Variants in NEK7 observed in about 807,000 individuals in gnomAD.
NEK7 encodes the protein NIMA related kinase 7, also known as serine/threonine-protein kinase Nek7.
Under a neutral mutation model 44.6 loss-of-function variants are expected in NEK7, and 18 were observed. The ratio of observed to expected loss-of-function variants is 0.40; its 90% CI spans 0.28 to 0.60. NEK7 has a LOEUF of 0.60. NEK7 is among the 20% of genes least tolerant of loss of function. The pLI, the probability that NEK7 is intolerant of heterozygous loss-of-function variation, is 0.38. For synonymous variants in NEK7, 130 were observed against 121.1 expected (o/e 1.07, Z -0.48); for missense variants, 256 against 366.5 (o/e 0.70, Z 2.46).
chr1:198,274,787 C>T (rs1558089986), intron 5 of NEK7, among the ~76,000 whole-genome samples: 2 of 151,592 alleles, frequency 1.3e-5, no homozygotes, highest in Non-Finnish European at 3.0e-5. Flanking sequence ...TGGATTTGGT[C>T]TTGGTCATTT....
chr1:198,262,472 C>A, intron 3 of NEK7, 103 bp from the exon 4 acceptor site: 1 of 693,830 alleles, frequency 1.4e-6, no homozygotes, highest in Non-Finnish European at 2.4e-6. Context: ...AAGAAAATTC[C>A]TTAGTGTACA....
At chr1:198,282,827 C>T (rs1654248685) in intron 7 of NEK7, among the ~76,000 whole-genome samples, 1 of 152,082 alleles carries the variant, frequency 6.6e-6, no homozygotes. Flanking sequence ...AGGTGCTATT[C>T]TAGAGACAAG....
intron 1 of NEK7, among the ~76,000 whole-genome samples, chr1:198,180,357 G>A (rs919937979): frequency 2.0e-5 from 3 of 152,038 alleles, no homozygotes; most frequent in Non-Finnish European, 2.9e-5. Flanking sequence ...TATTCAGGAT[G>A]TGTGCTGAGA....
At chr1:198,216,124 C>T (rs1665912018) in intron 1 of NEK7, among the ~76,000 whole-genome samples, 1 of 152,226 alleles carries the variant, frequency 6.6e-6, no homozygotes, top group African/African-American at 2.4e-5. Flanking sequence ...GCAGAATATA[C>T]ATTTTTCTCA....
At chr1:198,313,675 A>T (rs1274590846) in intron 9 of NEK7, among the ~76,000 whole-genome samples, 5 of 135,548 alleles carry the variant, frequency 3.7e-5, no homozygotes, top group East Asian at 2.3e-4. Context: ...TCTGTAAAGT[A>T]TTTTATTTCT....
intron 1 of NEK7, among the ~76,000 whole-genome samples, chr1:198,189,373 T>G (rs1046725638): frequency 6.6e-6 from 1 of 152,200 alleles, no homozygotes. Flanking sequence ...TTTGCATCTT[T>G]CGAGTTAAAA....
intron 2 of NEK7, among the ~76,000 whole-genome samples, chr1:198,234,360 G>T (rs139298013): frequency 1.3e-5 from 2 of 151,756 alleles, no homozygotes; most frequent in African/African-American, 2.4e-5. Context: ...AAATTATCAA[G>T]ATTATAATAA....
chr1:198,222,520 G>T (rs940647466), intron 1 of NEK7, among the ~76,000 whole-genome samples: 9 of 151,952 alleles, frequency 5.9e-5, no homozygotes, highest in African/African-American at 2.2e-4. Flanking sequence ...ACTTTTGACG[G>T]TGGTACCACC....
intron 1 of NEK7, among the ~76,000 whole-genome samples, chr1:198,205,486 C>T (rs1403081084): frequency 6.6e-6 from 1 of 152,114 alleles, no homozygotes; most frequent in East Asian, 1.9e-4. Flanking sequence ...ACAAAAAAAG[C>T]TCCATGGGTG....
At chr1:198,280,315 T>C (rs1379837418) in intron 7 of NEK7, among the ~76,000 whole-genome samples, 1 of 152,062 alleles carries the variant, frequency 6.6e-6, no homozygotes, top group Non-Finnish European at 1.5e-5. Context: ...ATATTACTCA[T>C]CTGAATAGAA....
At chr1:198,319,135 ACT>A (rs1370107341) in intron 9 of NEK7, among the ~76,000 whole-genome samples, 3 of 152,092 alleles carry the variant, frequency 2.0e-5, no homozygotes, top group Non-Finnish European at 4.4e-5. Flanking sequence ...TTCTGATTAA[ACT>A]CTGAAAAATT....
At chr1:198,172,284 T>C (rs1454112044) in intron 1 of NEK7, among the ~76,000 whole-genome samples, 5 of 152,148 alleles carry the variant, frequency 3.3e-5, no homozygotes, top group Admixed American at 2.0e-4. Context: ...TTTATTAAAA[T>C]GAAATGAAAT....
At chr1:198,256,625 T>G in intron 3 of NEK7, 4 of 1,001,312 alleles carry the variant, frequency 4.0e-6, no homozygotes, top group Non-Finnish European at 5.6e-6. Flanking sequence ...ATTGGCCACC[T>G]AGTGTTTATT....
At chr1:198,215,270 A>G (rs1452975521) in intron 1 of NEK7, among the ~76,000 whole-genome samples, 1 of 152,190 alleles carries the variant, frequency 6.6e-6, no homozygotes, top group Non-Finnish European at 1.5e-5. Context: ...AACAAAATGA[A>G]GAGAACAAAG....
chr1:198,274,244 T>C (rs1454349052), intron 5 of NEK7, among the ~76,000 whole-genome samples: 1 of 148,666 alleles, frequency 6.7e-6, no homozygotes, highest in East Asian at 2.0e-4. Context: ...CACACCAGGA[T>C]TGCATTTTTT....
At chr1:198,238,545 T>C (rs990435536) in intron 2 of NEK7, among the ~76,000 whole-genome samples, 13 of 152,206 alleles carry the variant, frequency 8.5e-5, no homozygotes, top group African/African-American at 3.1e-4. Flanking sequence ...GTTTACTGAT[T>C]ATTGTGCTCT....
chr1:198,210,252 C>T (rs1159819968), intron 1 of NEK7, among the ~76,000 whole-genome samples: 1 of 152,116 alleles, frequency 6.6e-6, no homozygotes, highest in Non-Finnish European at 1.5e-5. Flanking sequence ...TGCCACCATG[C>T]CCAGCTGTTT....
intron 9 of NEK7, among the ~76,000 whole-genome samples, chr1:198,317,985 C>A (rs2103049223): frequency 6.9e-6 from 1 of 145,562 alleles, no homozygotes. Flanking sequence ...TTGCTGTACC[C>A]CTTAAGGGTT....
At chr1:198,232,777 A>AC (rs1666436571) in intron 2 of NEK7, 140 bp downstream of exon 2, 4 of 387,406 alleles carry the variant, frequency 1.0e-5, no homozygotes, top group Non-Finnish European at 1.8e-5. Flanking sequence ...TTTAATCAGC[A>AC]TTTTTTTTTT....
Sources: gnomAD v4.1 joint callset for allele counts (sites outside exome capture counted in the v4.1 genomes callset) on GRCh38, gnomAD v4.1.1 for gene constraint, MANE v1.5 for transcripts, NCBI Gene and HGNC (gene_info 2026-07-23, HGNC 2026-07-21) for gene names.